HIP1: variants seen among roughly 807,000 people sequenced by gnomAD.
HIP1 encodes huntingtin interacting protein 1.
HIP1 carries 65 observed loss-of-function variants against 147.6 expected under a neutral mutation model. The ratio of observed to expected loss-of-function variants is 0.44; its 90% CI spans 0.36 to 0.54. The LOEUF (loss-of-function observed/expected upper bound fraction) is 0.54. HIP1 is among the 20% of genes least tolerant of loss of function. The probability of loss-of-function intolerance (pLI) is 0.00; values close to 1 mark genes in which losing one functional copy is unlikely to be tolerated. For synonymous variants in HIP1, 479 were observed against 504.0 expected (o/e 0.95, Z 0.67); for missense variants, 1,061 against 1,299.6 (o/e 0.82, Z 2.82).
chr7:75,545,927 G>T (rs905813714), intron 25 of HIP1, among the ~76,000 whole-genome samples: 1 of 152,068 alleles, frequency 6.6e-6, no homozygotes, highest in Non-Finnish European at 1.5e-5. Context: ...GCGACAGAGC[G>T]AGACTCAGTC....
chr7:75,581,961 G>C lies in HIP1; in HGVS notation c.542+114C>G, dbSNP rs1021230017. On this transcript the variant is annotated intron_variant, in intron 6 of 30. Transcript: ENST00000336926. ...CAAGGCCAAGTCACCCAGGGGCTTT[G>C]GTCCCCATCCCAGCCACGGCCTCCC... The C allele has an allele frequency of 4.0e-5, 32 of 793,336 alleles. 1 individual carries two copies. In the African/African-American group the frequency reaches 5.3e-4, roughly 13 times the overall value. 49.1% of individuals were successfully genotyped at this position (793,336 alleles called of 1,614,324 possible).
chr7:75,584,971 C>T (rs1796198555), intron 5 of HIP1, among the ~76,000 whole-genome samples: 1 of 151,622 alleles, frequency 6.6e-6, no homozygotes, highest in Non-Finnish European at 1.5e-5. Context: ...GCCTCAGCCT[C>T]CTGAGTAGCT....
chr7:75,616,085 C>CAAAAAAAAAAAAAAAAA (rs71098042), intron 1 of HIP1, among the ~76,000 whole-genome samples: 4 of 35,302 alleles, frequency 1.1e-4, no homozygotes, highest in African/African-American at 3.5e-4. Context: ...GACTCTGTCT[C>CAAAAAAAAAAAAAAAAA]AAAAAAAAAA....
At chr7:75,659,024 G>A (rs904059750) in intron 1 of HIP1, among the ~76,000 whole-genome samples, 10 of 152,198 alleles carry the variant, frequency 6.6e-5, no homozygotes, top group South Asian at 2.1e-4. Flanking sequence ...CCAATGACTC[G>A]CCAGTCATTC....
intron 1 of HIP1, 143 bp from the exon 2 acceptor site, chr7:75,599,390 C>T (rs587670141): frequency 4.1e-5 from 27 of 658,946 alleles, no homozygotes; most frequent in Middle Eastern, 3.8e-4. Flanking sequence ...CCTCTGCAGG[C>T]GCCCAGCTGG....
chr7:75,665,306 C>A (rs1358776443), intron 1 of HIP1, among the ~76,000 whole-genome samples: 1 of 151,956 alleles, frequency 6.6e-6, no homozygotes, highest in Non-Finnish European at 1.5e-5. Flanking sequence ...GGTCTGGCTG[C>A]AGGAAGCAGA....
chr7:75,592,586 C>T (rs2116972746), intron 2 of HIP1, 72 bp from the exon 3 acceptor site: 2 of 1,495,246 alleles, frequency 1.3e-6, no homozygotes, highest in East Asian at 2.3e-5. Context: ...TGCACCCAGC[C>T]ACTGCAGGGG....
intron 27 of HIP1, among the ~76,000 whole-genome samples, chr7:75,544,059 C>T (rs909142517): frequency 6.6e-6 from 1 of 151,702 alleles, no homozygotes; most frequent in Non-Finnish European, 1.5e-5. Flanking sequence ...GTAGTCCCAG[C>T]TACTCGGGAG....
intron 7 of HIP1, among the ~76,000 whole-genome samples, chr7:75,579,598 T>C (rs1180656769): frequency 2.0e-4 from 31 of 152,182 alleles, no homozygotes; most frequent in Admixed American, 9.2e-4. Flanking sequence ...GGCCTGTTTC[T>C]GGTGTTTTTC....
rs1234417102 is a variant in HIP1 at position 75,696,476 on chromosome 7, CTTCCT to C, written c.120+42320_120+42324del. 1.2e-3 allele frequency among the ~76,000 whole-genome samples: 177 copies of C among 149,572 alleles called. 1 individual carries two copies. The highest frequency in any genetic ancestry group is 4.1e-3 in the African/African-American group (168 of 40,562). The stretch of plus-strand genomic sequence containing the variant: ...AAAGCCCTTTCTCTTCCTTCCTTTC[CTTCCT>C]TTCCTTTCCTTCTTTCTCCCTTCCC... On this transcript the variant is annotated intron_variant, in intron 1 of 30. Coordinates refer to ENST00000336926, the MANE Select transcript of HIP1 (RefSeq NM_005338.7).
chr7:75,600,552 C>T (rs1389941188), intron 1 of HIP1, among the ~76,000 whole-genome samples: 1 of 152,152 alleles, frequency 6.6e-6, no homozygotes, highest in East Asian at 1.9e-4. Flanking sequence ...CATTCTATCC[C>T]TATAACCCAT....
chr7:75,708,495 A>G (rs1210525764), intron 1 of HIP1, among the ~76,000 whole-genome samples: 1 of 152,168 alleles, frequency 6.6e-6, no homozygotes, highest in Non-Finnish European at 1.5e-5. Flanking sequence ...TCTTACATTT[A>G]GGTCATGGAT....
chr7:75,660,532 C>A (rs573711383), intron 1 of HIP1, among the ~76,000 whole-genome samples: 1 of 151,706 alleles, frequency 6.6e-6, no homozygotes, highest in Non-Finnish European at 1.5e-5. Context: ...GTCTCAAAAA[C>A]GAAAACACAC....
chr7:75,716,660 T>C (rs1026808735), intron 1 of HIP1, among the ~76,000 whole-genome samples: 6 of 150,950 alleles, frequency 4.0e-5, no homozygotes, highest in Admixed American at 4.0e-4. Flanking sequence ...GCTGGGACTA[T>C]AGGCGCCCAC....
At chr7:75,617,790 A>T (rs1390608515) in intron 1 of HIP1, among the ~76,000 whole-genome samples, 3 of 152,180 alleles carry the variant, frequency 2.0e-5, no homozygotes, top group African/African-American at 7.2e-5. Flanking sequence ...GTCGTCATGG[A>T]GGAAACCTTG....
At chr7:75,681,348 GC>G (rs1433252657) in intron 1 of HIP1, among the ~76,000 whole-genome samples, 1 of 151,992 alleles carries the variant, frequency 6.6e-6, no homozygotes, top group African/African-American at 2.4e-5. Flanking sequence ...CTTTGCACAT[GC>G]TGGGACCACC....
chr7:75,582,015 GA>G (rs1483435728), intron 6 of HIP1, 59 bp downstream of exon 6: 8 of 1,362,460 alleles, frequency 5.9e-6, no homozygotes, highest in African/African-American at 4.3e-5. Context: ...ACCCTTATGA[GA>G]AGTGTCAGCA....
chr7:75,660,103 C>A (rs1584927877), intron 1 of HIP1, among the ~76,000 whole-genome samples: 1 of 150,176 alleles, frequency 6.7e-6, no homozygotes, highest in East Asian at 2.0e-4. Flanking sequence ...TCCAGCCTGG[C>A]AACAGAGCAA....
intron 1 of HIP1, among the ~76,000 whole-genome samples, chr7:75,644,121 T>C (rs117934917): frequency 0.01 from 1,564 of 152,314 alleles, 14 homozygotes; most frequent in Non-Finnish European, 0.017. Flanking sequence ...GCAAGTTCCT[T>C]AACCTCTCTG....
Sources: gnomAD v4.1 joint callset for allele counts (sites outside exome capture counted in the v4.1 genomes callset) on GRCh38, gnomAD v4.1.1 for gene constraint, MANE v1.5 for transcripts, NCBI Gene and HGNC (gene_info 2026-07-23, HGNC 2026-07-21) for gene names.